The following L3MBTL4 variants were observed in gnomAD, a reference collection of about 807,000 sequenced individuals.
L3MBTL4 encodes L3MBTL histone methyl-lysine binding protein 4.
Under a neutral mutation model 84.5 loss-of-function variants are expected in L3MBTL4, and 70 were observed. That is an observed-to-expected ratio of 0.83 (90% CI 0.68 to 1.01). The LOEUF is 1.01. L3MBTL4 is among the 50% of genes least tolerant of loss of function. The pLI is 0.00. For synonymous variants in L3MBTL4, 274 were observed against 259.8 expected, an observed-to-expected ratio of 1.05 and a Z score of -0.52; for missense variants, 715 against 754.8, an observed-to-expected ratio of 0.95 and a Z score of 0.62.
chr18:6,279,384 T>TC (rs777856659), intron 4 of L3MBTL4, among the ~76,000 whole-genome samples: 2 of 151,968 alleles, frequency 1.3e-5, no homozygotes, highest in Non-Finnish European at 2.9e-5. Context: ...CACTTGAACG[T>TC]CAGATGGGTG....
chr18:5,961,594 C>G (rs1458187490), intron 17 of L3MBTL4, among the ~76,000 whole-genome samples: 1 of 152,022 alleles, frequency 6.6e-6, no homozygotes, highest in Non-Finnish European at 1.5e-5. Flanking sequence ...AACAAACAAA[C>G]AAAAAAACCT....
intron 1 of L3MBTL4, among the ~76,000 whole-genome samples, chr18:6,385,782 C>T (rs935596471): frequency 6.6e-6 from 1 of 152,190 alleles, no homozygotes; most frequent in Admixed American, 6.5e-5. Context: ...CTCCAAAAGG[C>T]CGAATGAGGA....
chr18:6,338,402 A>G (rs1163855044), intron 1 of L3MBTL4, among the ~76,000 whole-genome samples: 2 of 152,162 alleles, frequency 1.3e-5, no homozygotes, highest in Non-Finnish European at 2.9e-5. Flanking sequence ...AGTTATACTT[A>G]TGTCTAGAAT....
chr18:6,280,508 T>C lies in L3MBTL4; in HGVS notation c.128-16470A>G, dbSNP rs149733443. On this transcript the variant is annotated intron_variant, in intron 4 of 18. Coordinates refer to ENST00000317931, the MANE Select transcript of L3MBTL4 (RefSeq NM_001330559.2). ...ATAGTACTGTTCCCTTAGCAACAGA[T>C]ACAAGTAATTCCCATTTCCTTCAAG... Among the ~76,000 whole-genome samples the C allele has an allele frequency of 2.8e-3, 431 of 152,350 alleles. 2 individuals are homozygous for C. Among genetic ancestry groups the C allele is most frequent in the Non-Finnish European group, 4.8e-3 (327 of 68,034 alleles).
intron 14 of L3MBTL4, among the ~76,000 whole-genome samples, chr18:6,128,507 G>A (rs143323181): frequency 7.9e-5 from 12 of 152,062 alleles, no homozygotes; most frequent in South Asian, 2.1e-4. Context: ...ATGATAGAGC[G>A]TGGGAAGAGG....
rs938782369 is a variant in L3MBTL4, at chr18:6,235,919, A to G, written c.784+2045T>C. On this transcript the variant is annotated intron_variant, in intron 10 of 18. Transcript: ENST00000317931. The stretch of plus-strand genomic sequence containing the variant: ...TAGATTTGTAAACTGAAAACTACAA[A>G]TTATAATTGAAAGAAAATTTTAAAA... Among the ~76,000 whole-genome samples, 3 of 152,232 alleles carry G rather than the reference A, an allele frequency of 2.0e-5. No individual in the cohort carries two copies. In the South Asian group the frequency reaches 6.2e-4, roughly 31 times the overall value.
At chr18:6,334,801 T>C (rs2052245926) in intron 1 of L3MBTL4, among the ~76,000 whole-genome samples, 1 of 152,216 alleles carries the variant, frequency 6.6e-6, no homozygotes, top group African/African-American at 2.4e-5. Context: ...CTGATTTCCT[T>C]ACCATATTGC....
At chr18:6,189,669 A>T (rs927599195) in intron 12 of L3MBTL4, among the ~76,000 whole-genome samples, 3 of 152,238 alleles carry the variant, frequency 2.0e-5, no homozygotes, top group Non-Finnish European at 4.4e-5. Flanking sequence ...AAGTTGGAGA[A>T]ATTTAACAGA....
At chr18:6,178,914 C>A (rs191211824) in intron 12 of L3MBTL4, among the ~76,000 whole-genome samples, 149 of 152,268 alleles carry the variant, frequency 9.8e-4, no homozygotes, top group Middle Eastern at 6.8e-3. Context: ...TGTACCCCAA[C>A]GCCTCAGTCA....
chr18:6,125,720 G>T (rs1322824885), intron 14 of L3MBTL4, among the ~76,000 whole-genome samples: 1 of 152,208 alleles, frequency 6.6e-6, no homozygotes, highest in Admixed American at 6.5e-5. Flanking sequence ...GTGAGCCACT[G>T]TGCCTGACCT....
chr18:6,248,777 T>G (rs2047797110), intron 5 of L3MBTL4, among the ~76,000 whole-genome samples: 1 of 152,216 alleles, frequency 6.6e-6, no homozygotes, highest in Non-Finnish European at 1.5e-5. Context: ...TTACACGTAC[T>G]CTTTTTCACA....
At chr18:6,133,114 C>T (rs1163092724) in intron 14 of L3MBTL4, among the ~76,000 whole-genome samples, 2 of 152,116 alleles carry the variant, frequency 1.3e-5, no homozygotes, top group South Asian at 2.1e-4. Flanking sequence ...AAGTACCTGT[C>T]GCTCAAAATA....
intron 12 of L3MBTL4, among the ~76,000 whole-genome samples, chr18:6,187,181 A>T (rs1599064273): frequency 6.6e-6 from 1 of 152,290 alleles, no homozygotes; most frequent in East Asian, 1.9e-4. Context: ...TATATATTTG[A>T]GTTTTAAACT....
At chr18:5,959,469 G>A (rs1355412120) in intron 18 of L3MBTL4, among the ~76,000 whole-genome samples, 4 of 152,178 alleles carry the variant, frequency 2.6e-5, no homozygotes, top group Admixed American at 2.0e-4. Flanking sequence ...CTCTTCCGGG[G>A]CCCCTATAGC....
intron 1 of L3MBTL4, among the ~76,000 whole-genome samples, chr18:6,347,901 T>C (rs2143692887): frequency 6.6e-6 from 1 of 151,914 alleles, no homozygotes; most frequent in East Asian, 1.9e-4. Flanking sequence ...GACAACAGGA[T>C]CTGAACACAA....
intron 16 of L3MBTL4, among the ~76,000 whole-genome samples, chr18:6,057,812 T>C (rs1422024925): frequency 6.6e-6 from 1 of 152,208 alleles, no homozygotes; most frequent in Non-Finnish European, 1.5e-5. Flanking sequence ...GCAGTAACCA[T>C]AGCAACAAGA....
intron 12 of L3MBTL4, among the ~76,000 whole-genome samples, chr18:6,185,087 A>G (rs1027460893): frequency 6.6e-6 from 1 of 152,234 alleles, no homozygotes; most frequent in Non-Finnish European, 1.5e-5. Context: ...GATGAATTCC[A>G]TTTTGATCAT....
At chr18:6,072,679 A>G (rs2057700371) in intron 16 of L3MBTL4, among the ~76,000 whole-genome samples, 1 of 122,096 alleles carries the variant, frequency 8.2e-6, no homozygotes, top group Non-Finnish European at 1.7e-5. Context: ...TCTCTACTAA[A>G]AAACACACAC....
At chr18:6,015,851 T>G (rs2054944024) in intron 16 of L3MBTL4, among the ~76,000 whole-genome samples, 1 of 152,080 alleles carries the variant, frequency 6.6e-6, no homozygotes, top group African/African-American at 2.4e-5. Flanking sequence ...TCCCAGCTAC[T>G]CAGGAGGCTG....
Sources: allele counts gnomAD v4.1 joint callset (sites outside exome capture counted in the v4.1 genomes callset), GRCh38; gene constraint gnomAD v4.1.1; transcripts MANE v1.5; gene names NCBI Gene and HGNC (gene_info 2026-07-23, HGNC 2026-07-21).